Variants in RANBP10 observed in about 807,000 individuals in gnomAD.
The protein encoded by RANBP10 is ran-binding protein 10.
Under a neutral mutation model 72.8 loss-of-function variants are expected in RANBP10, and 24 were observed. The ratio of observed to expected loss-of-function variants is 0.33; its 90% CI spans 0.24 to 0.46. The LOEUF is 0.46. RANBP10 is among the 20% of genes least tolerant of loss of function. RANBP10 has a pLI of 1.00. For missense variants in RANBP10, 679 were observed against 817.5 expected (o/e 0.83, Z 2.07); for synonymous variants, 310 against 322.3 (o/e 0.96, Z 0.41).
intron 7 of RANBP10, 27 bp downstream of exon 7, chr16:67,731,445 G>A: frequency 6.3e-7 from 1 of 1,577,128 alleles, no homozygotes; most frequent in African/African-American, 1.3e-5. Flanking sequence ...GTGAGGAAGG[G>A]AAAGGGGAAA....
Position 67,729,570 on chromosome 16 carries a change from C to T in RANBP10, c.1148-86G>A. ...GAACAACCACAGTGGTCCCATTTCC[C>T]TTCTCCCAAATCCAGCAGTGAGCCC... On this transcript the variant is annotated intron_variant, in intron 9 of 13. Transcript: ENST00000317506. The surrounding 1 kb of genome is among the most constrained non-coding windows in gnomAD (Gnocchi z 7.1). The T allele has an allele frequency of 6.4e-7, 1 of 1,557,332 alleles. No individual in the cohort carries two copies. Among genetic ancestry groups the T allele is most frequent in the East Asian group, 2.3e-5 (1 of 44,428 alleles).
intron 3 of RANBP10, among the ~76,000 whole-genome samples, chr16:67,750,828 G>A (rs1455439823): frequency 6.9e-6 from 1 of 145,766 alleles, no homozygotes; most frequent in Non-Finnish European, 1.5e-5. Flanking sequence ...GTGCAGCGGC[G>A]CAATCTCGGC....
At chr16:67,739,844 G>T (rs1332752184) in intron 4 of RANBP10, 2 of 152,160 alleles carry the variant, frequency 1.3e-5, no homozygotes, top group Non-Finnish European at 2.9e-5. Context: ...AGGGACCTCA[G>T]CTCTGAATTG....
Position 67,729,365 on chromosome 16 carries a change from G to A in RANBP10, c.1267C>T (p.Pro423Ser). ...GACTCGGAGTAATTGACGGAGGATG[G>A]GGAAGAGGACGAGGAGGAGGAGGAG... ...SSSSSSSSSS[P>S]SSVNYSESNS... Residue 423 changes from proline (P) to serine (S), a missense_variant, in exon 10 of 14, where the codon CCA becomes TCA. Physicochemically the swap from Pro to Ser is moderately conservative, Grantham distance 74 (BLOSUM62 -1). Coordinates refer to ENST00000317506, the MANE Select transcript of RANBP10 (RefSeq NM_020850.3). This position sits in a 1 kb window ranked among gnomAD's most constrained non-coding sequence, Gnocchi z 7.1. The A allele has an allele frequency of 6.2e-7, 1 of 1,612,776 alleles. No individual in the cohort carries two copies. The highest frequency in any genetic ancestry group is 1.1e-5 in the South Asian group (1 of 90,988).
chr16:67,744,603 C>G, intron 3 of RANBP10, 148 bp from the exon 4 acceptor site: 2 of 830,510 alleles, frequency 2.4e-6, no homozygotes, highest in South Asian at 3.6e-5. Context: ...CACCAATAGA[C>G]AGAGTCTGGC....
intron 12 of RANBP10, 94 bp from the exon 13 acceptor site, chr16:67,727,532 G>T: frequency 7.4e-7 from 1 of 1,353,310 alleles, no homozygotes; most frequent in Non-Finnish European, 1.0e-6. Flanking sequence ...CCTGCATGAT[G>T]CCCAGCCTGG....
At chr16:67,786,307 C>T (rs564753601) in intron 2 of RANBP10, among the ~76,000 whole-genome samples, 4 of 151,020 alleles carry the variant, frequency 2.6e-5, no homozygotes, top group South Asian at 2.1e-4. Context: ...CCAGCCTGTG[C>T]GACAGAGCAA....
Position 67,787,629 on chromosome 16 carries a change from C to T in RANBP10, c.348-15543G>A, listed in dbSNP as rs533677812. 7.9e-5 allele frequency among the ~76,000 whole-genome samples: 12 copies of T among 152,192 alleles called. 2 individuals are homozygous for T. In the South Asian group the frequency reaches 2.1e-3, roughly 26 times the overall value. On this transcript the variant is annotated intron_variant, in intron 2 of 13. Transcript: ENST00000317506. The stretch of plus-strand genomic sequence containing the variant: ...AACCAAAAGGTGAAAGCAACCTAAG[C>T]GTCCATCAACAGAAGAATGGATAAA...
At chr16:67,775,962 G>A (rs985204742) in intron 2 of RANBP10, among the ~76,000 whole-genome samples, 6 of 151,322 alleles carry the variant, frequency 4.0e-5, no homozygotes, top group South Asian at 2.1e-4. Flanking sequence ...TGGCCAACAC[G>A]GTGAAACCCC....
chr16:67,760,687 G>A (rs1290949437), intron 3 of RANBP10, among the ~76,000 whole-genome samples: 1 of 152,192 alleles, frequency 6.6e-6, no homozygotes, highest in Non-Finnish European at 1.5e-5. Context: ...TACAGTCAAG[G>A]AAAGTATGCT....
chr16:67,762,015 G>C (rs1410173186), intron 3 of RANBP10, among the ~76,000 whole-genome samples: 6 of 152,286 alleles, frequency 3.9e-5, no homozygotes, highest in South Asian at 4.1e-4. Context: ...CAACATTTTG[G>C]GAGGCCAAAG....
intron 3 of RANBP10, among the ~76,000 whole-genome samples, chr16:67,757,368 TCCTGGGGAAGCAA>T (rs2054305040): frequency 6.6e-6 from 1 of 152,158 alleles, no homozygotes; most frequent in Admixed American, 6.5e-5. Context: ...GTTTCTGGCC[TCCTGGGGAAGCAA>T]TCTAACCCTT....
chr16:67,731,435 G>C, intron 7 of RANBP10, 37 bp downstream of exon 7: 1 of 1,543,600 alleles, frequency 6.5e-7, no homozygotes. Context: ...TTAGGGACAG[G>C]TGAGGAAGGG....
intron 6 of RANBP10, among the ~76,000 whole-genome samples, chr16:67,733,628 G>A (rs191589814): frequency 2.6e-5 from 4 of 152,290 alleles, no homozygotes; most frequent in Non-Finnish European, 5.9e-5. Context: ...CTTGGCAAAT[G>A]CTACATATGA....
intron 2 of RANBP10, among the ~76,000 whole-genome samples, chr16:67,783,791 C>T (rs1035355923): frequency 3.9e-5 from 6 of 152,036 alleles, no homozygotes; most frequent in Admixed American, 6.6e-5. Context: ...CGCCTATAAT[C>T]CCAGCACTTT....
chr16:67,754,398 A>G (rs2054251142), intron 3 of RANBP10, among the ~76,000 whole-genome samples: 2 of 152,176 alleles, frequency 1.3e-5, no homozygotes, highest in African/African-American at 4.8e-5. Flanking sequence ...TGATACATAC[A>G]ATGGTTTTCT....
chr16:67,740,484 A>G (rs2053948071), intron 4 of RANBP10, among the ~76,000 whole-genome samples: 1 of 152,020 alleles, frequency 6.6e-6, no homozygotes, highest in African/African-American at 2.4e-5. Context: ...AGAGATCTCC[A>G]GTCTGCTATC....
chr16:67,777,208 C>T (rs2054722797), intron 2 of RANBP10, among the ~76,000 whole-genome samples: 1 of 149,904 alleles, frequency 6.7e-6, no homozygotes, highest in Non-Finnish European at 1.5e-5. Flanking sequence ...GAAACTCCGT[C>T]CCCCACCCAA....
intron 3 of RANBP10, among the ~76,000 whole-genome samples, chr16:67,769,547 C>T (rs916960793): frequency 1.1e-4 from 17 of 149,224 alleles, no homozygotes; most frequent in Non-Finnish European, 7.4e-5. Context: ...AGATCGAAAC[C>T]AGCCTGGCTA....
Sources: gnomAD v4.1 joint callset for allele counts (sites outside exome capture counted in the v4.1 genomes callset) on GRCh38, gnomAD v4.1.1 for gene constraint, Gnocchi (gnomAD v3.1) non-coding constraint, MANE v1.5 for transcripts, NCBI Gene and HGNC (gene_info 2026-07-23, HGNC 2026-07-21) for gene names.